Variants in LOC400499 observed in about 807,000 individuals in gnomAD.
chr16:11,477,928 A>T, the LOC400499 span: 1 of 398,916 alleles, frequency 2.5e-6, no homozygotes, highest in African/African-American at 2.1e-5. Context: ...TCAGCCGGGC[A>T]GGAAGGCCAG....
chr16:11,406,638 G>C, the LOC400499 span, among the ~76,000 whole-genome samples: 1 of 152,188 alleles, frequency 6.6e-6, no homozygotes, highest in African/African-American at 2.4e-5. Flanking sequence ...CCCCATGTTG[G>C]CCGTGCTGGT....
At chr16:11,393,346 G>A in the LOC400499 span, 8 of 1,229,074 alleles carry the variant, frequency 6.5e-6, no homozygotes, top group Non-Finnish European at 8.1e-6. Flanking sequence ...GAGCCAACAG[G>A]GGCCGTGGCC....
the LOC400499 span, among the ~76,000 whole-genome samples, chr16:11,492,070 G>A: frequency 6.6e-6 from 1 of 152,116 alleles, no homozygotes; most frequent in African/African-American, 2.4e-5. Context: ...CCCCAGCCTA[G>A]AGCCTCATCA....
chr16:11,428,534 A>G, the LOC400499 span, among the ~76,000 whole-genome samples: 5 of 152,144 alleles, frequency 3.3e-5, no homozygotes, highest in Admixed American at 3.3e-4. Context: ...GCATTTGTAA[A>G]TGACCATGGC....
the LOC400499 span, chr16:11,477,801 A>G: frequency 2.5e-5 from 10 of 398,854 alleles, no homozygotes; most frequent in African/African-American, 2.1e-4. Flanking sequence ...AACCTGCGCC[A>G]GCTCCCAGGA....
the LOC400499 span, among the ~76,000 whole-genome samples, chr16:11,453,665 A>G: frequency 6.6e-6 from 1 of 152,066 alleles, no homozygotes; most frequent in Non-Finnish European, 1.5e-5. Context: ...ACAAAGAAAT[A>G]GAACAAAAGA....
chr16:11,373,941 C>T, the LOC400499 span, among the ~76,000 whole-genome samples: 17 of 152,164 alleles, frequency 1.1e-4, no homozygotes, highest in Non-Finnish European at 2.4e-4. Flanking sequence ...TTCTAGCCCT[C>T]ATCTGGTAAG....
At chr16:11,428,852 T>C in the LOC400499 span, among the ~76,000 whole-genome samples, 21 of 151,914 alleles carry the variant, frequency 1.4e-4, no homozygotes, top group African/African-American at 5.1e-4. Context: ...ATGCGAACAA[T>C]TATAACATTT....
the LOC400499 span, among the ~76,000 whole-genome samples, chr16:11,520,264 TA>T: frequency 1.3e-3 from 204 of 152,010 alleles, 1 homozygote; most frequent in Middle Eastern, 6.8e-3. Flanking sequence ...TTAATCACAG[TA>T]AAAAAATAAA....
the LOC400499 span, among the ~76,000 whole-genome samples, chr16:11,381,353 A>T: frequency 6.6e-6 from 1 of 152,074 alleles, no homozygotes. Context: ...ATCTCGCCTC[A>T]GCCTCCCAAA....
the LOC400499 span, chr16:11,522,146 T>A: frequency 2.5e-6 from 1 of 398,870 alleles, no homozygotes; most frequent in African/African-American, 2.1e-5. Context: ...CAATGTCACC[T>A]TGAACCTGCA....
At chr16:11,461,477 T>G in the LOC400499 span, among the ~76,000 whole-genome samples, 1 of 152,198 alleles carries the variant, frequency 6.6e-6, no homozygotes, top group African/African-American at 2.4e-5. Context: ...TGCGTTAGCT[T>G]CCCGAAGTGC....
chr16:11,485,506 A>G, the LOC400499 span, among the ~76,000 whole-genome samples: 1 of 151,908 alleles, frequency 6.6e-6, no homozygotes, highest in Admixed American at 6.6e-5. Context: ...GGGTTTCAAA[A>G]TTTGATAGGT....
At chr16:11,503,768 C>G in the LOC400499 span, among the ~76,000 whole-genome samples, 1 of 152,242 alleles carries the variant, frequency 6.6e-6, no homozygotes, top group African/African-American at 2.4e-5. Flanking sequence ...CAGTGGCAAC[C>G]CTCAGCTCTG....
chr16:11,424,001 C>G, the LOC400499 span: 5 of 398,720 alleles, frequency 1.3e-5, no homozygotes, highest in African/African-American at 8.2e-5. Flanking sequence ...CACCGTCAGC[C>G]CGGCCGCCAG....
chr16:11,420,718 G>C, the LOC400499 span, among the ~76,000 whole-genome samples: 1 of 151,526 alleles, frequency 6.6e-6, no homozygotes, highest in South Asian at 2.1e-4. Context: ...AGGGCACCCT[G>C]GTCCCCTGCA....
At chr16:11,457,617 A>G in the LOC400499 span, among the ~76,000 whole-genome samples, 1 of 151,462 alleles carries the variant, frequency 6.6e-6, no homozygotes, top group African/African-American at 2.4e-5. Context: ...AAAATTAAAG[A>G]TCGAATTACC....
the LOC400499 span, chr16:11,392,234 G>T: frequency 5.0e-6 from 2 of 399,010 alleles, no homozygotes; most frequent in Admixed American, 4.4e-5. Flanking sequence ...GGACCCCAAG[G>T]GCTCGGGGCT....
chr16:11,473,939 T>C, the LOC400499 span, among the ~76,000 whole-genome samples: 2 of 152,174 alleles, frequency 1.3e-5, no homozygotes, highest in Non-Finnish European at 2.9e-5. Context: ...CACTGTTGCC[T>C]CGACCTCCTG....
Sources: allele counts gnomAD v4.1 joint callset (sites outside exome capture counted in the v4.1 genomes callset), GRCh38; gene constraint gnomAD v4.1.1; transcripts MANE v1.5.